GRXCR1: variants seen among roughly 807,000 people sequenced by gnomAD.
GRXCR1 encodes the protein glutaredoxin and cysteine rich domain containing 1.
Under a neutral mutation model 27.3 loss-of-function variants are expected in GRXCR1, and 27 were observed. The ratio of observed to expected loss-of-function variants is 0.99; its 90% CI spans 0.73 to 1.37. The LOEUF is 1.37. Ranked by LOEUF, GRXCR1 falls within the 40% of genes most tolerant of loss-of-function variation. The pLI is 0.00. For synonymous variants in GRXCR1, 122 were observed against 131.1 expected, an observed-to-expected ratio of 0.93 and a Z score of 0.47; for missense variants, 379 against 354.4, an observed-to-expected ratio of 1.07 and a Z score of -0.56.
At chr4:43,008,445 A>G (rs1440764294) in intron 2 of GRXCR1, among the ~76,000 whole-genome samples, 3 of 152,232 alleles carry the variant, frequency 2.0e-5, no homozygotes, top group African/African-American at 7.2e-5. Context: ...GGCACAAGCA[A>G]AATCCTGGAA....
chr4:42,977,702 T>A (rs981711927), intron 2 of GRXCR1, among the ~76,000 whole-genome samples: 1 of 152,032 alleles, frequency 6.6e-6, no homozygotes, highest in African/African-American at 2.4e-5. Context: ...ATTCTGGAAA[T>A]TCATCCCTTG....
chr4:42,947,827 A>C (rs114682258), intron 1 of GRXCR1, among the ~76,000 whole-genome samples: 2,698 of 152,274 alleles, frequency 0.018, 52 homozygotes, highest in African/African-American at 0.048. Flanking sequence ...ATCAATAATA[A>C]ATGTTAACCT....
At chr4:42,969,705 G>A (rs1748338228) in intron 2 of GRXCR1, among the ~76,000 whole-genome samples, 1 of 151,992 alleles carries the variant, frequency 6.6e-6, no homozygotes, top group African/African-American at 2.4e-5. Context: ...TGGCACACAG[G>A]CATTACAATT....
At chr4:42,959,348 G>A (rs1595188) in intron 1 of GRXCR1, among the ~76,000 whole-genome samples, 126,734 of 151,756 alleles carry the variant, frequency 0.84, 53,249 homozygotes, top group East Asian at 0.99. Flanking sequence ...GCGTGATCTC[G>A]TTTATATGTG....
intron 1 of GRXCR1, among the ~76,000 whole-genome samples, chr4:42,938,403 T>C (rs1248826106): frequency 6.6e-6 from 1 of 152,028 alleles, no homozygotes; most frequent in Non-Finnish European, 1.5e-5. Flanking sequence ...GGAGTGCAAA[T>C]ACCTCTTTGA....
intron 1 of GRXCR1, among the ~76,000 whole-genome samples, chr4:42,940,504 CA>C (rs146706721): frequency 6.6e-6 from 1 of 151,914 alleles, no homozygotes; most frequent in Non-Finnish European, 1.5e-5. Context: ...GGAGCTGAAA[CA>C]AAAAATGCAA....
chr4:42,946,444 A>T (rs1327629982), intron 1 of GRXCR1, among the ~76,000 whole-genome samples: 1 of 152,162 alleles, frequency 6.6e-6, no homozygotes, highest in Non-Finnish European at 1.5e-5. Context: ...ACTGCCTTAC[A>T]TTCAAATTTT....
intron 1 of GRXCR1, among the ~76,000 whole-genome samples, chr4:42,946,601 G>A (rs1366823269): frequency 1.3e-5 from 2 of 152,260 alleles, no homozygotes; most frequent in South Asian, 2.1e-4. Flanking sequence ...AGATCACAGT[G>A]AGCAGATTGC....
At chr4:42,993,481 G>T (rs1256504831) in intron 2 of GRXCR1, among the ~76,000 whole-genome samples, 1 of 151,990 alleles carries the variant, frequency 6.6e-6, no homozygotes, top group Non-Finnish European at 1.5e-5. Context: ...CATCATAAGT[G>T]TAAAATATCA....
At chr4:42,919,511 A>G (rs74893437) in intron 1 of GRXCR1, among the ~76,000 whole-genome samples, 13,166 of 152,192 alleles carry the variant, frequency 0.087, 1,002 homozygotes, top group East Asian at 0.35. Context: ...CCTTTCCAGG[A>G]TAAATCTGGG....
chr4:43,017,065 G>A (rs570539136), intron 2 of GRXCR1, among the ~76,000 whole-genome samples: 4 of 152,322 alleles, frequency 2.6e-5, no homozygotes, highest in Non-Finnish European at 5.9e-5. Flanking sequence ...TAATGAGATA[G>A]ATTCTTTCCT....
intron 2 of GRXCR1, among the ~76,000 whole-genome samples, chr4:42,983,018 T>G (rs1029562806): frequency 6.6e-6 from 1 of 152,148 alleles, no homozygotes; most frequent in Non-Finnish European, 1.5e-5. Context: ...CTGTTCACTC[T>G]GATGATAGTT....
chr4:43,006,158 A>G (rs28583537), intron 2 of GRXCR1, among the ~76,000 whole-genome samples: 3,179 of 152,222 alleles, frequency 0.021, 114 homozygotes, highest in African/African-American at 0.073. Context: ...TAATCTCTTA[A>G]TCTTGTCAGC....
chr4:42,946,254 A>G (rs1486658676), intron 1 of GRXCR1, among the ~76,000 whole-genome samples: 1 of 149,386 alleles, frequency 6.7e-6, no homozygotes, highest in Non-Finnish European at 1.5e-5. Context: ...ATGAGACAGG[A>G]AAAAGGTCAC....
chr4:42,989,755 T>C (rs1210630730), intron 2 of GRXCR1, among the ~76,000 whole-genome samples: 2 of 152,192 alleles, frequency 1.3e-5, no homozygotes, highest in Non-Finnish European at 2.9e-5. Context: ...TCACTTTCTA[T>C]ATCTAGAGCA....
intron 3 of GRXCR1, among the ~76,000 whole-genome samples, chr4:43,023,766 TGA>T: frequency 6.6e-6 from 1 of 152,202 alleles, no homozygotes; most frequent in East Asian, 1.9e-4. Context: ...AATAAATAAA[TGA>T]CTTCTCTTTC....
At chr4:42,987,222 T>TATATTGTATA (rs369022273) in intron 2 of GRXCR1, among the ~76,000 whole-genome samples, 14 of 100,574 alleles carry the variant, frequency 1.4e-4, no homozygotes, top group African/African-American at 5.4e-4. Flanking sequence ...TATATATATA[T>TATATTGTATA]TATATATTAT....
At chr4:42,978,693 T>C (rs898273530) in intron 2 of GRXCR1, among the ~76,000 whole-genome samples, 2 of 152,092 alleles carry the variant, frequency 1.3e-5, no homozygotes, top group African/African-American at 4.8e-5. Flanking sequence ...TAACATATTT[T>C]ATTAGAGTTT....
rs781260321 is a variant in GRXCR1, at chr4:42,893,628, A to G, written c.362A>G (p.Asn121Ser). Residue 121 changes from asparagine to serine, a missense_variant, in exon 1 of 4, where the codon AAC (asparagine) becomes AGC (serine). Transcript: ENST00000399770. ...YKVSAGQALF[N>S]NLTKVLQQPS... ...GTGAGTGCTGGCCAGGCTCTATTTAACAATTTGACCAAAGTATTACAGGTA... is the reference window on the plus strand; with the variant it reads ...GTGAGTGCTGGCCAGGCTCTATTTAGCAATTTGACCAAAGTATTACAGGTA... 1.3e-5 allele frequency: 21 copies of G among 1,613,330 alleles called. No homozygotes were observed. Among genetic ancestry groups the G allele is most frequent in the African/African-American group, 2.7e-5 (2 of 74,878 alleles).
Sources: gnomAD v4.1 joint callset for allele counts (sites outside exome capture counted in the v4.1 genomes callset) on GRCh38, gnomAD v4.1.1 for gene constraint, MANE v1.5 for transcripts, NCBI Gene and HGNC (gene_info 2026-07-23, HGNC 2026-07-21) for gene names.